The following DPP10 variants were observed in gnomAD, a reference collection of about 807,000 sequenced individuals.
DPP10 encodes the protein inactive dipeptidyl peptidase 10.
In DPP10, 33 loss-of-function variants were observed where a neutral mutation model predicts 120.9. The observed-to-expected ratio is 0.27, with a 90% CI of 0.21 to 0.37. The LOEUF (loss-of-function observed/expected upper bound fraction) is 0.37, where lower values mean the gene tolerates loss of function less well. Ranked by LOEUF, DPP10 falls within the 10% of genes least tolerant of loss-of-function variation. The pLI is 1.00. For missense variants in DPP10, 816 were observed against 942.8 expected, an observed-to-expected ratio of 0.87 and a Z score of 1.76; for synonymous variants, 337 against 326.1, an observed-to-expected ratio of 1.03 and a Z score of -0.36.
chr2:115,260,253 T>C (rs149035735), intron 1 of DPP10, among the ~76,000 whole-genome samples: 3 of 152,236 alleles, frequency 2.0e-5, no homozygotes, highest in African/African-American at 7.2e-5. Flanking sequence ...TCAAGCCTTT[T>C]GTTAATATCA....
At chr2:115,465,441 CAG>C (rs1377492279) in intron 3 of DPP10, among the ~76,000 whole-genome samples, 1 of 152,148 alleles carries the variant, frequency 6.6e-6, no homozygotes, top group African/African-American at 2.4e-5. Flanking sequence ...GTATTACACA[CAG>C]AATATGAGAA....
intron 1 of DPP10, among the ~76,000 whole-genome samples, chr2:115,111,243 T>C (rs80003256): frequency 6.2e-4 from 93 of 150,328 alleles, no homozygotes; most frequent in Non-Finnish European, 5.6e-4. Flanking sequence ...GTTTTTGCTT[T>C]TTTTTTTTTT....
At chr2:114,709,419 G>A (rs1190672752) in intron 1 of DPP10, among the ~76,000 whole-genome samples, 11 of 152,200 alleles carry the variant, frequency 7.2e-5, no homozygotes, top group Non-Finnish European at 1.6e-4. Flanking sequence ...AATTCCCTGT[G>A]TAAAAAATGC....
intron 1 of DPP10, among the ~76,000 whole-genome samples, chr2:114,826,199 A>G (rs1278838446): frequency 6.6e-6 from 1 of 152,244 alleles, no homozygotes; most frequent in Non-Finnish European, 1.5e-5. Context: ...GAGAATAAAA[A>G]TGAATTAGGA....
intron 1 of DPP10, among the ~76,000 whole-genome samples, chr2:115,246,704 C>T (rs761359451): frequency 6.6e-5 from 10 of 151,908 alleles, no homozygotes; most frequent in African/African-American, 9.7e-5. Flanking sequence ...GTTGTTGGGG[C>T]GGTAGACAGG....
intron 4 of DPP10, among the ~76,000 whole-genome samples, chr2:115,501,887 A>G (rs758822165): frequency 4.5e-4 from 68 of 152,066 alleles, no homozygotes; most frequent in Non-Finnish European, 9.4e-4. Context: ...AATATATTTT[A>G]TTGAAACATA....
intron 3 of DPP10, among the ~76,000 whole-genome samples, chr2:115,364,823 C>T (rs1006759711): frequency 6.6e-6 from 1 of 151,808 alleles, no homozygotes; most frequent in African/African-American, 2.4e-5. Flanking sequence ...GTACAACAGA[C>T]CCTAATTTTA....
rs2057912633 is a variant in DPP10, at chr2:115,234,740, A to G, written c.61-74499A>G. 4 of 152,178 alleles carry G rather than the reference A, an allele frequency of 2.6e-5. No individual in the cohort carries two copies. In the South Asian group the frequency reaches 6.2e-4, roughly 24 times the overall value. The allele number at this position is 152,178 out of a possible 1,614,324, so 9.4% of individuals were successfully genotyped here. On this transcript the variant is annotated intron_variant, in intron 1 of 25. Transcript: ENST00000410059. ...AAAAAAAACTGTTCTGAAATATATAATTCTTTCTCATTCCTGCAGAGTAAT... is the reference window on the plus strand; with the variant it reads ...AAAAAAAACTGTTCTGAAATATATAGTTCTTTCTCATTCCTGCAGAGTAAT...
intron 1 of DPP10, among the ~76,000 whole-genome samples, chr2:114,587,157 C>T (rs190991764): frequency 0.024 from 3,599 of 151,938 alleles, 70 homozygotes; most frequent in Middle Eastern, 0.041. Context: ...AAAAATTAGC[C>T]GGGCATGGTG....
intron 1 of DPP10, among the ~76,000 whole-genome samples, chr2:114,726,998 A>G (rs1056478793): frequency 6.6e-6 from 1 of 152,338 alleles, no homozygotes; most frequent in Admixed American, 6.5e-5. Flanking sequence ...ATGGCTTTCT[A>G]GGTTTTCCAC....
chr2:114,508,679 G>C (rs1683880662), intron 1 of DPP10, among the ~76,000 whole-genome samples: 1 of 151,962 alleles, frequency 6.6e-6, no homozygotes, highest in Admixed American at 6.6e-5. Flanking sequence ...CTTGCCTCTA[G>C]TGATGATAAT....
chr2:114,491,636 A>T (rs1480093309), intron 1 of DPP10, among the ~76,000 whole-genome samples: 1 of 152,244 alleles, frequency 6.6e-6, no homozygotes, highest in Non-Finnish European at 1.5e-5. Context: ...ATTCTCCACC[A>T]GATACTGCAT....
At chr2:115,453,972 G>A (rs1277251908) in intron 3 of DPP10, among the ~76,000 whole-genome samples, 1 of 151,226 alleles carries the variant, frequency 6.6e-6, no homozygotes, top group African/African-American at 2.4e-5. Flanking sequence ...TAATAATTTA[G>A]ATAACTAGCA....
intron 1 of DPP10, among the ~76,000 whole-genome samples, chr2:114,952,487 A>C (rs902573084): frequency 2.6e-5 from 4 of 152,188 alleles, no homozygotes; most frequent in African/African-American, 4.8e-5. Context: ...CAACACCAAG[A>C]GCCACCACTC....
At chr2:115,219,806 T>G (rs998529302) in intron 1 of DPP10, among the ~76,000 whole-genome samples, 5 of 152,214 alleles carry the variant, frequency 3.3e-5, no homozygotes, top group Non-Finnish European at 7.3e-5. Context: ...GCAAATATGC[T>G]GACTAATTAT....
At chr2:115,642,985 T>G (rs1272678043) in intron 5 of DPP10, among the ~76,000 whole-genome samples, 1 of 152,170 alleles carries the variant, frequency 6.6e-6, no homozygotes, top group Non-Finnish European at 1.5e-5. Context: ...TCATTTCTGA[T>G]AGATTACTTC....
chr2:115,091,535 C>A (rs908669153), intron 1 of DPP10, among the ~76,000 whole-genome samples: 1 of 152,082 alleles, frequency 6.6e-6, no homozygotes, highest in Middle Eastern at 3.2e-3. Flanking sequence ...CCTTCTCCCC[C>A]CTCAACCCCA....
At chr2:114,504,251 A>G (rs1042271313) in intron 1 of DPP10, among the ~76,000 whole-genome samples, 1 of 152,106 alleles carries the variant, frequency 6.6e-6, no homozygotes, top group South Asian at 2.1e-4. Context: ...TTTCCAACTC[A>G]TCTTATATGT....
chr2:114,468,471 T>C (rs1679619680), intron 1 of DPP10, among the ~76,000 whole-genome samples: 1 of 148,630 alleles, frequency 6.7e-6, no homozygotes, highest in South Asian at 2.1e-4. Flanking sequence ...TGGCAAGCGA[T>C]AGCTATCCAA....
Sources: gnomAD v4.1 joint callset for allele counts (sites outside exome capture counted in the v4.1 genomes callset) on GRCh38, gnomAD v4.1.1 for gene constraint, MANE v1.5 for transcripts, NCBI Gene and HGNC (gene_info 2026-07-23, HGNC 2026-07-21) for gene names.